The following MAEL variants were observed in gnomAD, a reference collection of about 807,000 sequenced individuals.
MAEL encodes protein maelstrom homolog.
A neutral mutation model predicts 62.0 loss-of-function variants in MAEL; 46 were observed. The observed-to-expected ratio is 0.74, with a 90% confidence interval of 0.59 to 0.95. The LOEUF is 0.95. Among genes scored for constraint, MAEL ranks in the 40% least tolerant of loss-of-function variants. The probability of loss-of-function intolerance (pLI) is 0.00; values close to 1 mark genes in which losing one functional copy is unlikely to be tolerated. For synonymous variants in MAEL, 172 were observed against 175.5 expected, an observed-to-expected ratio of 0.98 and a Z score of 0.16; for missense variants, 497 against 526.8, an observed-to-expected ratio of 0.94 and a Z score of 0.55.
chr1:166,989,197 T>A (rs551903079), upstream of MAEL: 168 of 996,912 alleles, frequency 1.7e-4, no homozygotes, highest in African/African-American at 2.5e-3. Flanking sequence ...GGCTGTTTGT[T>A]CCCCCGCGGG....
At chr1:166,993,505 A>C (rs1664279978) in intron 4 of MAEL, among the ~76,000 whole-genome samples, 1 of 152,308 alleles carries the variant, frequency 6.6e-6, no homozygotes, top group Admixed American at 6.5e-5. Flanking sequence ...GTCAATTATC[A>C]ATTACTTTAA....
chr1:167,000,776 G>A (rs1664627095), intron 5 of MAEL, among the ~76,000 whole-genome samples: 1 of 152,266 alleles, frequency 6.6e-6, no homozygotes, highest in African/African-American at 2.4e-5. Context: ...GTAACATCAA[G>A]ACAGGATCTT....
At chr1:167,015,975 A>G (rs1258620399) in intron 8 of MAEL, among the ~76,000 whole-genome samples, 4 of 152,212 alleles carry the variant, frequency 2.6e-5, no homozygotes, top group Non-Finnish European at 5.9e-5. Context: ...CTAATGTGCC[A>G]GAAGCACTCA....
At chr1:166,989,708 C>G in intron 1 of MAEL, 29 bp from the exon 2 acceptor site, 3 of 1,604,778 alleles carry the variant, frequency 1.9e-6, no homozygotes, top group Non-Finnish European at 2.6e-6. Flanking sequence ...ACGGCTGTTT[C>G]TCTTCTTTGC....
intron 1 of MAEL, among the ~76,000 whole-genome samples, chr1:166,982,798 C>A (rs1324134747): frequency 6.6e-6 from 1 of 152,122 alleles, no homozygotes; most frequent in Non-Finnish European, 1.5e-5. Context: ...TCTACTTTCC[C>A]CCTCACTCAC....
intron 5 of MAEL, among the ~76,000 whole-genome samples, chr1:166,997,695 T>C (rs1318833174): frequency 1.3e-5 from 2 of 152,198 alleles, no homozygotes; most frequent in Non-Finnish European, 2.9e-5. Flanking sequence ...CATGCACAAC[T>C]GTGCCAGCTT....
rs760226070 is a variant in MAEL, at chr1:167,017,928, A to G, written c.1010A>G (p.Lys337Arg). 4 of 1,613,184 alleles carry G rather than the reference A, an allele frequency of 2.5e-6. No homozygotes were observed. Among genetic ancestry groups the G allele is most frequent in the Non-Finnish European group, 3.4e-6 (4 of 1,179,504 alleles). The change falls in exon 10 of 12, where the codon AAA (lysine) becomes AGA (arginine). Residue 337 changes from lysine (K) to arginine (R), a missense_variant. Lys to Arg is a conservative substitution (Grantham distance 26). Transcript: ENST00000367872. ...DYEASNSVTP[K>R]MVVLDAGRYQ... is the part of the protein sequence containing the mutation. ...GAGGCCAGCAATAGTGTGACACCCA[A>G]AATGGTTGTATTGGATGCAGGGCGT...
At chr1:167,007,754 C>G (rs2102106491) in intron 8 of MAEL, among the ~76,000 whole-genome samples, 1 of 152,026 alleles carries the variant, frequency 6.6e-6, no homozygotes, top group Admixed American at 6.6e-5. Context: ...TTTCCTTTCT[C>G]TGAGAATGAG....
chr1:166,991,352 TG>T, intron 2 of MAEL, 25 bp from the exon 3 acceptor site: 1 of 1,456,800 alleles, frequency 6.9e-7, no homozygotes, highest in Non-Finnish European at 9.6e-7. Context: ...AGAGTTTATG[TG>T]GCCAATCATT....
chr1:167,008,539 C>CA (rs1279948339), intron 8 of MAEL, among the ~76,000 whole-genome samples: 1 of 151,772 alleles, frequency 6.6e-6, no homozygotes, highest in Non-Finnish European at 1.5e-5. Context: ...TTTAATTTTT[C>CA]AAAACAATAG....
chr1:166,989,660 C>A, intron 1 of MAEL, 77 bp from the exon 2 acceptor site: 1 of 1,494,258 alleles, frequency 6.7e-7, no homozygotes, highest in South Asian at 1.2e-5. Context: ...CTGTAATGCC[C>A]CAGCATCTGC....
intron 1 of MAEL, among the ~76,000 whole-genome samples, chr1:166,979,920 G>GA (rs1190074287): frequency 1.3e-5 from 2 of 152,168 alleles, no homozygotes; most frequent in Admixed American, 6.5e-5. Context: ...TATCAAATAT[G>GA]AAAAAATACA....
At chr1:166,989,586 C>T in intron 1 of MAEL, 102 bp downstream of exon 1, 1 of 1,508,202 alleles carries the variant, frequency 6.6e-7, no homozygotes, top group Admixed American at 2.1e-5. Flanking sequence ...CGGCTTGGCC[C>T]TGCCAGAGGA....
chr1:166,996,989 G>T (rs1296335503), intron 5 of MAEL, among the ~76,000 whole-genome samples: 1 of 152,118 alleles, frequency 6.6e-6, no homozygotes, highest in Admixed American at 6.5e-5. Context: ...ACCATGCCCG[G>T]CTAATTTTTT....
At position 166,995,676 on chromosome 1, in the gene MAEL, T is replaced by TAA. The variant is rs200023802; in HGVS notation, c.523+1618_523+1619dup. On this transcript the variant is annotated intron_variant, in intron 5 of 11. Coordinates refer to ENST00000367872, the MANE Select transcript of MAEL (RefSeq NM_032858.3). ...TGAGGTTATTGAACTAGATGGCAGT[T>TAA]AAAAAAAAAAAATAAAAAAAAAATG... Among the ~76,000 whole-genome samples, 68 of 146,062 alleles carry TAA rather than the reference T, an allele frequency of 4.7e-4. 1 individual carries two copies. Among genetic ancestry groups the TAA allele is most frequent in the Middle Eastern group, 7.1e-3 (2 of 282 alleles).
chr1:166,978,453 G>C (rs1663659268), intron 1 of MAEL, among the ~76,000 whole-genome samples: 1 of 152,140 alleles, frequency 6.6e-6, no homozygotes, highest in African/African-American at 2.4e-5. Flanking sequence ...TGGGAAAATG[G>C]TGTTATTTTG....
chr1:167,001,524 G>A (rs1023428652), intron 5 of MAEL, among the ~76,000 whole-genome samples: 1 of 152,160 alleles, frequency 6.6e-6, no homozygotes, highest in Non-Finnish European at 1.5e-5. Flanking sequence ...ATTAAGGTAT[G>A]TTCATTTTTA....
intron 10 of MAEL, among the ~76,000 whole-genome samples, chr1:167,020,839 C>G (rs924976547): frequency 6.6e-6 from 1 of 152,004 alleles, no homozygotes; most frequent in African/African-American, 2.4e-5. Flanking sequence ...AATTCATTAT[C>G]AGCAAACGTG....
At position 166,979,362 on chromosome 1, in the gene MAEL, TA is replaced by T. The variant is rs151280362; in HGVS notation, c.-121+3706del. 4.1e-4 allele frequency among the ~76,000 whole-genome samples: 60 copies of T among 147,746 alleles called. 1 individual carries two copies. The highest frequency in any genetic ancestry group is 9.9e-4 in the East Asian group (5 of 5,064). On this transcript the variant is annotated intron_variant, in intron 1 of 12. Transcript: ENST00000622874. The stretch of plus-strand genomic sequence containing the variant: ...AAACCATCCTCAATGAATTATAAGT[TA>T]AAAAAAAAACTAAATTAAACCAAGG...
Sources: gnomAD v4.1 joint callset for allele counts (sites outside exome capture counted in the v4.1 genomes callset) on GRCh38, gnomAD v4.1.1 for gene constraint, MANE v1.5 for transcripts, NCBI Gene and HGNC (gene_info 2026-07-23, HGNC 2026-07-21) for gene names.